C9orf85: variants seen among roughly 807,000 people sequenced by gnomAD.
C9orf85 encodes chromosome 9 open reading frame 85.
C9orf85 carries 16 observed loss-of-function variants against 14.9 expected under a neutral mutation model. The ratio of observed to expected loss-of-function variants is 1.08; its 90% CI spans 0.73 to 1.63. The LOEUF (loss-of-function observed/expected upper bound fraction) is 1.63. C9orf85 is among the 40% of genes most tolerant of loss of function. The pLI is 0.00. For missense variants in C9orf85, 172 were observed against 186.1 expected (o/e 0.92, Z 0.44); for synonymous variants, 45 against 56.8 (o/e 0.79, Z 0.93).
chr9:71,935,519 G>A (rs758540525), intron 1 of C9orf85, among the ~76,000 whole-genome samples: 3 of 151,640 alleles, frequency 2.0e-5, no homozygotes, highest in South Asian at 2.1e-4. Flanking sequence ...AAAGCCAGGC[G>A]CAGTGGCTCA....
At chr9:71,922,009 T>G in intron 1 of C9orf85, among the ~76,000 whole-genome samples, 1 of 151,874 alleles carries the variant, frequency 6.6e-6, no homozygotes, top group East Asian at 1.9e-4. Flanking sequence ...GGCGCAATCT[T>G]GGCTCACTGC....
chr9:71,943,132 A>G (rs964714648), intron 1 of C9orf85, among the ~76,000 whole-genome samples: 4 of 152,212 alleles, frequency 2.6e-5, no homozygotes, highest in Non-Finnish European at 5.9e-5. Flanking sequence ...GTGGCATAAA[A>G]TACCTTATTT....
At chr9:71,966,739 G>T (rs532907532) in intron 2 of C9orf85, among the ~76,000 whole-genome samples, 2 of 152,264 alleles carry the variant, frequency 1.3e-5, no homozygotes, top group South Asian at 4.1e-4. Context: ...AGTTATGAGT[G>T]GGGGAGAAGA....
At chr9:71,977,216 T>TAA (rs140317277), downstream of C9orf85, among the ~76,000 whole-genome samples, 1,469 of 150,104 alleles carry the variant, frequency 9.8e-3, 16 homozygotes, top group African/African-American at 0.033. Flanking sequence ...TCTTTTGTTG[T>TAA]AAAAAAAAAA....
chr9:71,982,899 G>A, exon 4 of C9orf85: 1 of 250,198 alleles, frequency 4.0e-6, no homozygotes, highest in Non-Finnish European at 7.9e-6. Flanking sequence ...CTCCCAAAGT[G>A]CTGGAATTAC....
intron 1 of C9orf85, among the ~76,000 whole-genome samples, chr9:71,912,406 A>T (rs1046199674): frequency 1.3e-5 from 2 of 152,132 alleles, no homozygotes; most frequent in African/African-American, 4.8e-5. Context: ...CCTGCTAAAA[A>T]ATTCAGACTG....
In C9orf85 at chr9:71,973,277, A is replaced by G. The variant is rs953164380; in HGVS notation, c.*435A>G. On this transcript the variant is annotated 3_prime_UTR_variant, in exon 4 of 4. Transcript: ENST00000334731. Reference sequence around the variant, plus strand: ...AGCTATGGAAAAATAGACAAATTTCATACATGAACAATATAAATTGTGTAT... The same window carrying G: ...AGCTATGGAAAAATAGACAAATTTCGTACATGAACAATATAAATTGTGTAT... 2 of 152,468 alleles carry G rather than the reference A, an allele frequency of 1.3e-5. No individual in the cohort carries two copies. The highest frequency in any genetic ancestry group is 4.8e-5 in the African/African-American group (2 of 41,594). The allele number at this position is 152,468 out of a possible 1,614,324, so 9.4% of individuals were successfully genotyped here.
At chr9:71,976,577 G>C (rs955522085), downstream of C9orf85, among the ~76,000 whole-genome samples, 3 of 151,678 alleles carry the variant, frequency 2.0e-5, no homozygotes, top group African/African-American at 7.3e-5. Flanking sequence ...CAGGAGAATG[G>C]CATGAACCCG....
chr9:71,931,811 A>G (rs899497442), intron 1 of C9orf85, among the ~76,000 whole-genome samples: 6 of 152,222 alleles, frequency 3.9e-5, no homozygotes, highest in African/African-American at 1.4e-4. Context: ...TTTAAACTAT[A>G]AGAATCATAA....
chr9:71,962,187 T>C (rs1412403739), intron 2 of C9orf85, among the ~76,000 whole-genome samples: 1 of 152,168 alleles, frequency 6.6e-6, no homozygotes, highest in Non-Finnish European at 1.5e-5. Flanking sequence ...TTAAGAATTA[T>C]TGTAATCTAC....
intron 1 of C9orf85, among the ~76,000 whole-genome samples, chr9:71,931,648 G>C (rs952694471): frequency 1.3e-5 from 2 of 152,114 alleles, no homozygotes; most frequent in Admixed American, 6.5e-5. Flanking sequence ...GCCTGGATTT[G>C]TTTCTTCCTA....
chr9:71,950,447 A>G (rs758804223), intron 2 of C9orf85, among the ~76,000 whole-genome samples: 42 of 152,108 alleles, frequency 2.8e-4, no homozygotes, highest in Non-Finnish European at 5.6e-4. Flanking sequence ...AGCTCACTGC[A>G]GCCTCTGCCT....
At chr9:71,946,497 A>C (rs1056168112) in intron 1 of C9orf85, among the ~76,000 whole-genome samples, 5 of 152,190 alleles carry the variant, frequency 3.3e-5, no homozygotes, top group African/African-American at 9.7e-5. Context: ...GAAGGTTAAA[A>C]ATTTTCTAGA....
At chr9:71,978,270 C>T (rs949799302), downstream of C9orf85, among the ~76,000 whole-genome samples, 2 of 152,016 alleles carry the variant, frequency 1.3e-5, no homozygotes, top group Non-Finnish European at 2.9e-5. Context: ...CCACCATGCC[C>T]AGCTAATTTT....
At chr9:71,952,405 C>A (rs1822268537) in intron 2 of C9orf85, among the ~76,000 whole-genome samples, 1 of 152,186 alleles carries the variant, frequency 6.6e-6, no homozygotes, top group Non-Finnish European at 1.5e-5. Flanking sequence ...CGCTCTGTCG[C>A]CCAGGCTGTA....
At chr9:71,934,685 G>A (rs1335261126) in intron 1 of C9orf85, among the ~76,000 whole-genome samples, 7 of 152,024 alleles carry the variant, frequency 4.6e-5, no homozygotes, top group South Asian at 2.1e-4. Context: ...CCTGGGCAAC[G>A]TGGCAAAACC....
At chr9:71,969,098 G>T (rs550241997) in intron 2 of C9orf85, among the ~76,000 whole-genome samples, 8 of 152,240 alleles carry the variant, frequency 5.3e-5, no homozygotes, top group Admixed American at 2.0e-4. Context: ...AAGAGAACAA[G>T]GAAGTTAAAC....
chr9:71,949,311 T>G (rs1026460236), intron 2 of C9orf85, among the ~76,000 whole-genome samples: 1 of 152,260 alleles, frequency 6.6e-6, no homozygotes, highest in Non-Finnish European at 1.5e-5. Flanking sequence ...TTTAAATCTC[T>G]TACCTTTAAT....
chr9:71,985,963 A>G (rs1460683087), downstream of C9orf85: 1 of 152,240 alleles, frequency 6.6e-6, no homozygotes, highest in Non-Finnish European at 1.5e-5. Context: ...AACTTGTTAA[A>G]TTTATTCAAA....
Sources: allele counts gnomAD v4.1 joint callset (sites outside exome capture counted in the v4.1 genomes callset), GRCh38; gene constraint gnomAD v4.1.1; transcripts MANE v1.5; gene names NCBI Gene and HGNC (gene_info 2026-07-23, HGNC 2026-07-21).